Variants in KANSL1 observed in about 807,000 individuals in gnomAD.
KANSL1 encodes the protein MLL1/MLL complex subunit KANSL1.
KANSL1 carries 22 observed loss-of-function variants against 103.6 expected under a neutral mutation model. That is an observed-to-expected ratio of 0.21 (90% CI 0.15 to 0.30). KANSL1 has a LOEUF of 0.30. KANSL1 is among the 10% of genes least tolerant of loss of function. KANSL1 has a pLI of 1.00. For synonymous variants in KANSL1, 600 were observed against 527.6 expected, an observed-to-expected ratio of 1.14 and a Z score of -1.88; for missense variants, 1,337 against 1,399.8, an observed-to-expected ratio of 0.96 and a Z score of 0.72.
chr17:46,189,031 CAAAAAAAAAAAAAAAAAAAAAAAAAAAA>C (rs57566816), intron 1 of KANSL1, among the ~76,000 whole-genome samples: 1 of 62,414 alleles, frequency 1.6e-5, no homozygotes, highest in African/African-American at 9.9e-5. Context: ...AAGATTGTCT[CAAAAAAAAAAAAAAAAAAAAAAAAAAAA>C]AAAAAAAGAC....
At chr17:46,214,096 G>T (rs1293408652) in intron 1 of KANSL1, among the ~76,000 whole-genome samples, 1 of 152,182 alleles carries the variant, frequency 6.6e-6, no homozygotes, top group Non-Finnish European at 1.5e-5. Flanking sequence ...CAGCAAACTA[G>T]TTCTCTTTTT....
intron 1 of KANSL1, among the ~76,000 whole-genome samples, chr17:46,207,405 G>A (rs1161698600): frequency 2.0e-5 from 3 of 151,968 alleles, no homozygotes; most frequent in African/African-American, 4.8e-5. Flanking sequence ...AGCTACTTGG[G>A]AGGCTGAGGC....
At chr17:46,153,871 A>C (rs1345709217) in intron 2 of KANSL1, among the ~76,000 whole-genome samples, 1 of 152,242 alleles carries the variant, frequency 6.6e-6, no homozygotes, top group Non-Finnish European at 1.5e-5. Context: ...AAAAGAGTGA[A>C]AAAGTTGAAC....
chr17:46,047,857 A>G (rs1272108481), intron 7 of KANSL1, among the ~76,000 whole-genome samples: 1 of 151,174 alleles, frequency 6.6e-6, no homozygotes, highest in Non-Finnish European at 1.5e-5. Context: ...AGATATTATG[A>G]AGAACAGCAT....
intron 5 of KANSL1, among the ~76,000 whole-genome samples, chr17:46,067,007 G>C (rs770979671): frequency 3.9e-5 from 6 of 152,188 alleles, no homozygotes; most frequent in Admixed American, 6.5e-5. Context: ...TAGTGATTGA[G>C]TTCTCCTCTA....
At chr17:46,180,453 G>A (rs560664517) in intron 1 of KANSL1, among the ~76,000 whole-genome samples, 45 of 152,248 alleles carry the variant, frequency 3.0e-4, no homozygotes, top group Middle Eastern at 3.4e-3. Flanking sequence ...AGCCGAGATC[G>A]CACCATTGCA....
At chr17:46,034,407 T>A in intron 10 of KANSL1, 122 bp from the exon 11 acceptor site, 3 of 1,034,820 alleles carry the variant, frequency 2.9e-6, no homozygotes, top group Non-Finnish European at 4.3e-6. Context: ...TGAAGCTGAG[T>A]AATGACCATA....
chr17:46,108,604 G>A (rs2042670412), intron 2 of KANSL1, among the ~76,000 whole-genome samples: 1 of 152,224 alleles, frequency 6.6e-6, no homozygotes, highest in Non-Finnish European at 1.5e-5. Flanking sequence ...ATCTCTGGGT[G>A]CTTGGAACAA....
At chr17:46,209,014 A>G (rs1174628449) in intron 1 of KANSL1, among the ~76,000 whole-genome samples, 4 of 151,590 alleles carry the variant, frequency 2.6e-5, no homozygotes, top group Non-Finnish European at 5.9e-5. Context: ...CAACTAAAAA[A>G]AAACCAAAAA....
chr17:46,132,216 G>A (rs1322464228), intron 2 of KANSL1, among the ~76,000 whole-genome samples: 1 of 152,108 alleles, frequency 6.6e-6, no homozygotes. Flanking sequence ...GAAAGGTCAG[G>A]GCAGTTTCAA....
upstream of KANSL1, chr17:46,193,890 G>A (rs1306678637): frequency 6.4e-6 from 1 of 155,740 alleles, no homozygotes; most frequent in South Asian, 1.6e-4. Context: ...AAGAGGGTAA[G>A]GCCGTCGGCA....
chr17:46,084,474 G>A (rs539031210), intron 3 of KANSL1, among the ~76,000 whole-genome samples: 129 of 151,964 alleles, frequency 8.5e-4, no homozygotes, highest in African/African-American at 2.9e-3. Flanking sequence ...TTGAGGTTAG[G>A]AGTGCGAGAC....
At chr17:46,078,292 G>T (rs7213852) in intron 4 of KANSL1, among the ~76,000 whole-genome samples, 1 of 152,162 alleles carries the variant, frequency 6.6e-6, no homozygotes, top group Non-Finnish European at 1.5e-5. Flanking sequence ...GTTGGAATTC[G>T]AACTCCAAAT....
chr17:46,201,502 G>A (rs922698597), intron 1 of KANSL1, among the ~76,000 whole-genome samples: 7 of 152,120 alleles, frequency 4.6e-5, no homozygotes, highest in Non-Finnish European at 8.8e-5. Flanking sequence ...AATTCCACAC[G>A]TGACACCTTT....
At chr17:46,045,826 C>G (rs1048178755) in intron 7 of KANSL1, 7 of 152,278 alleles carry the variant, frequency 4.6e-5, no homozygotes, top group African/African-American at 1.4e-4. Flanking sequence ...CTGGGTATAT[C>G]TGAGGGTGGG....
chr17:46,155,303 G>A (rs1056944499), intron 2 of KANSL1, among the ~76,000 whole-genome samples: 10 of 151,930 alleles, frequency 6.6e-5, no homozygotes, highest in African/African-American at 1.2e-4. Context: ...GACTACAGGC[G>A]TGTGCGACCA....
intron 2 of KANSL1, among the ~76,000 whole-genome samples, chr17:46,096,465 C>T (rs913265639): frequency 6.6e-6 from 1 of 151,694 alleles, no homozygotes. Context: ...GGATTACAGG[C>T]ATGCGCCACC....
intron 6 of KANSL1, among the ~76,000 whole-genome samples, chr17:46,058,263 T>G (rs2078001002): frequency 6.6e-6 from 1 of 152,210 alleles, no homozygotes; most frequent in African/African-American, 2.4e-5. Flanking sequence ...TAGGCAGCTG[T>G]GAGCTGAAAT....
chr17:46,135,695 CTTTTTTTTTTTTTT>C (rs35094789), intron 2 of KANSL1, among the ~76,000 whole-genome samples: 1 of 84,430 alleles, frequency 1.2e-5, no homozygotes, highest in Non-Finnish European at 2.1e-5. Context: ...CCATGCCTGG[CTTTTTTTTTTTTTT>C]TTTTTTTTTT....
Sources: allele counts gnomAD v4.1 joint callset (sites outside exome capture counted in the v4.1 genomes callset), GRCh38; gene constraint gnomAD v4.1.1; transcripts MANE v1.5; gene names NCBI Gene and HGNC (gene_info 2026-07-23, HGNC 2026-07-21).